ZNF208: variants seen among roughly 807,000 people sequenced by gnomAD.
The protein encoded by ZNF208 is zinc finger protein 95.
In ZNF208, 10 loss-of-function variants were observed where a neutral mutation model predicts 12.1. The observed-to-expected ratio is 0.83, with a 90% CI of 0.51 to 1.40. The LOEUF is 1.40. Ranked by LOEUF, ZNF208 falls within the 40% of genes most tolerant of loss-of-function variation. The pLI, the probability that ZNF208 is intolerant of heterozygous loss-of-function variation, is 0.00. For synonymous variants in ZNF208, 497 were observed against 488.4 expected (o/e 1.02, Z -0.23); for missense variants, 1,652 against 1,485.0 (o/e 1.11, Z -1.85).
chr19:21,979,014 G>C (rs1458957970), intron 3 of ZNF208, among the ~76,000 whole-genome samples: 6 of 152,104 alleles, frequency 3.9e-5, no homozygotes, highest in African/African-American at 1.4e-4. Context: ...AAAGCAAGAA[G>C]ACAAGATTAG....
At chr19:21,954,773 C>T (rs1969946588) in intron 4 of ZNF208, among the ~76,000 whole-genome samples, 1 of 152,116 alleles carries the variant, frequency 6.6e-6, no homozygotes, top group Non-Finnish European at 1.5e-5. Context: ...ACTGATGGGT[C>T]TTGACTCTTT....
chr19:21,953,497 G>C (rs1969925334), intron 4 of ZNF208, among the ~76,000 whole-genome samples: 1 of 152,112 alleles, frequency 6.6e-6, no homozygotes, highest in Non-Finnish European at 1.5e-5. Context: ...AGAGAGTGGG[G>C]GCCAATATTC....
chr19:22,010,545 A>G (rs1971127898), intron 1 of ZNF208, among the ~76,000 whole-genome samples: 1 of 152,184 alleles, frequency 6.6e-6, no homozygotes, highest in Non-Finnish European at 1.5e-5. Flanking sequence ...GCGGGTGCAG[A>G]GCGGCCCCAA....
chr19:21,998,841 C>CT (rs1970888132), intron 1 of ZNF208: 1 of 152,142 alleles, frequency 6.6e-6, no homozygotes, highest in Admixed American at 6.6e-5. Context: ...TCCACCAGCA[C>CT]TTTTTTATAA....
chr19:22,005,996 T>TAA (rs201287807), intron 1 of ZNF208, among the ~76,000 whole-genome samples: 2 of 152,118 alleles, frequency 1.3e-5, no homozygotes, highest in African/African-American at 4.8e-5. Context: ...TTCTTCTCAT[T>TAA]AAAAAAATCA....
In ZNF208 at chr19:21,967,728, CT is replaced by C. The variant is rs896446820; in HGVS notation, c.*3462del. The C allele has an allele frequency of 6.6e-6, 1 of 152,078 alleles. No individual in the cohort carries two copies. Among genetic ancestry groups the C allele is most frequent in the African/African-American group, 2.4e-5 (1 of 41,440 alleles). 9.4% of individuals were successfully genotyped at this position (152,078 alleles called of 1,614,324 possible). ...TCTGAAGTTTTCTTGGCTATTTGAG[CT>C]CTTTAATTCTTTTGAATGTATTTTA... On this transcript the variant is annotated 3_prime_UTR_variant, in exon 4 of 4. Transcript: ENST00000397126.
At chr19:21,992,706 T>C (rs1970762702) in intron 1 of ZNF208, among the ~76,000 whole-genome samples, 1 of 152,210 alleles carries the variant, frequency 6.6e-6, no homozygotes, top group Non-Finnish European at 1.5e-5. Context: ...TAGTGAGATT[T>C]CTGCATGGCA....
At chr19:21,956,395 G>A (rs1327855675) in intron 4 of ZNF208, among the ~76,000 whole-genome samples, 1 of 152,214 alleles carries the variant, frequency 6.6e-6, no homozygotes, top group Non-Finnish European at 1.5e-5. Flanking sequence ...GTCTGCAGAA[G>A]TTTCTGCTCC....
Position 21,971,101 on chromosome 19 carries a change from A to G in ZNF208, c.*90T>C. ...AGTTGAAAGCCTCACCACATTCTTC[A>G]CATTTGTAGGGTTTCTCTCCAGTAT... is the stretch of plus-strand genomic sequence containing the variant. On this transcript the variant is annotated 3_prime_UTR_variant, in exon 4 of 4. Coordinates refer to ENST00000397126, the MANE Select transcript of ZNF208 (RefSeq NM_007153.3). 6.2e-7 allele frequency: 1 copy of G among 1,612,992 alleles called. No individual in the cohort carries two copies. The highest frequency in any genetic ancestry group is 1.7e-5 in the Admixed American group (1 of 59,822).
At chr19:21,942,939 G>A (rs1969764714) in intron 4 of ZNF208, among the ~76,000 whole-genome samples, 3 of 152,122 alleles carry the variant, frequency 2.0e-5, no homozygotes, top group Admixed American at 6.5e-5. Flanking sequence ...GTGAGCCACC[G>A]CACCTGACCA....
intron 3 of ZNF208, chr19:21,986,812 A>G: frequency 5.3e-6 from 2 of 379,940 alleles, no homozygotes; most frequent in Non-Finnish European, 9.3e-6. Context: ...AAAAACCCCA[A>G]AGATACAGAA....
chr19:22,008,620 T>G (rs1971091428), intron 1 of ZNF208, among the ~76,000 whole-genome samples: 1 of 152,110 alleles, frequency 6.6e-6, no homozygotes, highest in Non-Finnish European at 1.5e-5. Context: ...TTCACTATTT[T>G]TCTGTCCCCT....
At chr19:21,980,666 C>T (rs1316934267) in intron 3 of ZNF208, among the ~76,000 whole-genome samples, 1 of 151,910 alleles carries the variant, frequency 6.6e-6, no homozygotes, top group Admixed American at 6.6e-5. Context: ...ACTAGAGAAG[C>T]AAGAATAAAC....
rs1274596646 is a variant in ZNF208, at chr19:21,970,336, A to G, written c.*855T>C. ...TTAAGGACTGGTTAAGGGCATTGCAACATTCCACACAATTGTAGGAATTCC... is the reference window on the plus strand; with the variant it reads ...TTAAGGACTGGTTAAGGGCATTGCAGCATTCCACACAATTGTAGGAATTCC... On this transcript the variant is annotated 3_prime_UTR_variant, in exon 4 of 4. Transcript: ENST00000397126. Among the ~76,000 whole-genome samples, 2 of 152,144 alleles carry G rather than the reference A, an allele frequency of 1.3e-5. No homozygotes were observed. The highest frequency in any genetic ancestry group is 4.8e-5 in the African/African-American group (2 of 41,456).
At chr19:21,989,177 A>C (rs916070638) in intron 1 of ZNF208, among the ~76,000 whole-genome samples, 18 of 151,218 alleles carry the variant, frequency 1.2e-4, no homozygotes, top group African/African-American at 3.6e-4. Flanking sequence ...ATCCTGGTGT[A>C]CTGCACCCAT....
chr19:21,942,192 TTAAA>T (rs1185855935), intron 4 of ZNF208, among the ~76,000 whole-genome samples: 1 of 152,162 alleles, frequency 6.6e-6, no homozygotes, highest in Non-Finnish European at 1.5e-5. Context: ...GACAATAGAC[TTAAA>T]TAATTTCTTG....
chr19:21,977,799 C>T (rs1163780983), intron 3 of ZNF208, among the ~76,000 whole-genome samples: 3 of 152,198 alleles, frequency 2.0e-5, no homozygotes, highest in African/African-American at 7.2e-5. Flanking sequence ...GCAGTTCCCA[C>T]AACCAGGGAG....
chr19:21,952,424 G>T (rs964897022), intron 4 of ZNF208, among the ~76,000 whole-genome samples: 1 of 152,186 alleles, frequency 6.6e-6, no homozygotes, highest in Non-Finnish European at 1.5e-5. Context: ...TCATATAGGT[G>T]GGTGCCCCTC....
Position 21,971,798 on chromosome 19 carries a change from T to G in ZNF208, c.3236A>C (p.His1079Pro). 1 of 1,613,874 alleles carries G rather than the reference T, an allele frequency of 6.2e-7. No individual in the cohort carries two copies. The highest frequency in any genetic ancestry group is 1.3e-5 in the African/African-American group (1 of 75,030). Residue 1079 changes from histidine (H) to proline (P), a missense_variant, in exon 4 of 4, where the codon CAT becomes CCT. Coordinates refer to ENST00000397126, the MANE Select transcript of ZNF208 (RefSeq NM_007153.3). The part of the protein sequence containing the change: ...PSRLTEHKAT[H>P]AGEEPYKCEE... The stretch of plus-strand genomic sequence containing the variant: ...ACATTTGTAGGGTTCCTCTCCAGCA[T>G]GAGTTGCCTTATGTTCAGTAAGTCT...
Sources: allele counts gnomAD v4.1 joint callset (sites outside exome capture counted in the v4.1 genomes callset), GRCh38; gene constraint gnomAD v4.1.1; transcripts MANE v1.5; gene names NCBI Gene and HGNC (gene_info 2026-07-23, HGNC 2026-07-21).